Variants in DLC1 observed in about 807,000 individuals in gnomAD.
DLC1 encodes the protein rho GTPase-activating protein 7.
A neutral mutation model predicts 140.3 loss-of-function variants in DLC1; 54 were observed. The ratio of observed to expected loss-of-function variants is 0.38; its 90% CI spans 0.31 to 0.48. The LOEUF is 0.48. Among genes scored for constraint, DLC1 ranks in the 20% least tolerant of loss-of-function variants. The probability of loss-of-function intolerance (pLI) is 0.96; values close to 1 mark genes in which losing one functional copy is unlikely to be tolerated. For synonymous variants in DLC1, 986 were observed against 728.1 expected (o/e 1.35, Z -5.70); for missense variants, 2,536 against 1,907.0 (o/e 1.33, Z -6.14).
chr8:13,221,794 T>A (rs1337059244), intron 5 of DLC1, among the ~76,000 whole-genome samples: 2 of 144,540 alleles, frequency 1.4e-5, no homozygotes, highest in Admixed American at 7.1e-5. Flanking sequence ...AACACATCAA[T>A]ATATTAATAT....
intron 5 of DLC1, among the ~76,000 whole-genome samples, chr8:13,289,068 C>T (rs75968162): frequency 0.063 from 9,581 of 152,190 alleles, 417 homozygotes; most frequent in South Asian, 0.096. Context: ...AACTTCACTC[C>T]TGTGACCTGT....
chr8:13,194,629 A>T lies in DLC1; in HGVS notation c.1349-78972T>A, dbSNP rs1004361454. ...AAAGCACAAGGACTCCATTCTGGGG[A>T]TTAAAAATAACAGAACTAAGTTTTA... On this transcript the variant is annotated intron_variant, in intron 5 of 17. Transcript: ENST00000276297. Among the ~76,000 whole-genome samples the T allele has an allele frequency of 7.2e-5, 11 of 152,334 alleles. No individual in the cohort carries two copies. In the East Asian group the frequency reaches 2.1e-3, roughly 29 times the overall value.
chr8:13,182,736 G>C (rs1218493952), intron 5 of DLC1, among the ~76,000 whole-genome samples: 2 of 152,162 alleles, frequency 1.3e-5, no homozygotes, highest in Non-Finnish European at 2.9e-5. Context: ...TTGTAGTATA[G>C]TTTGAAGTCA....
chr8:13,143,848 G>GAGAGAGAGACAT (rs1490009372), intron 5 of DLC1, among the ~76,000 whole-genome samples: 1 of 147,816 alleles, frequency 6.8e-6, no homozygotes, highest in East Asian at 2.0e-4. Context: ...GAGAGAGAGA[G>GAGAGAGAGACAT]AGAGACATAG....
At chr8:13,306,941 G>T (rs1000059918) in intron 4 of DLC1, among the ~76,000 whole-genome samples, 1 of 151,634 alleles carries the variant, frequency 6.6e-6, no homozygotes, top group African/African-American at 2.4e-5. Context: ...AAAATTAGCC[G>T]GGCATAGTGG....
At chr8:13,436,699 T>C (rs150402509) in intron 2 of DLC1, among the ~76,000 whole-genome samples, 1 of 152,358 alleles carries the variant, frequency 6.6e-6, no homozygotes, top group African/African-American at 2.4e-5. Flanking sequence ...CTCTACTGCC[T>C]TGTGTTTTAA....
chr8:13,395,748 C>T (rs577665352), intron 3 of DLC1, among the ~76,000 whole-genome samples: 14 of 122,638 alleles, frequency 1.1e-4, no homozygotes, highest in South Asian at 2.8e-4. Context: ...AATGTATGTG[C>T]ATGTGTGTGT....
At chr8:13,548,955 A>G (rs888076657) in intron 1 of DLC1, among the ~76,000 whole-genome samples, 1 of 152,086 alleles carries the variant, frequency 6.6e-6, no homozygotes, top group Non-Finnish European at 1.5e-5. Flanking sequence ...CAGTGAAAGG[A>G]TTCTTCTCTC....
At chr8:13,259,966 G>T (rs2117325999) in intron 5 of DLC1, among the ~76,000 whole-genome samples, 1 of 152,284 alleles carries the variant, frequency 6.6e-6, no homozygotes, top group South Asian at 2.1e-4. Flanking sequence ...GGTTGAGATT[G>T]TTCTAGACAT....
intron 1 of DLC1, among the ~76,000 whole-genome samples, chr8:13,500,923 T>G (rs1450918559): frequency 6.6e-6 from 1 of 152,230 alleles, no homozygotes; most frequent in East Asian, 1.9e-4. Context: ...AATAATTTAC[T>G]AAAGTTATAC....
intron 4 of DLC1, among the ~76,000 whole-genome samples, chr8:13,349,634 C>T (rs1055748201): frequency 1.3e-5 from 2 of 152,166 alleles, no homozygotes; most frequent in Admixed American, 1.3e-4. Flanking sequence ...TACATAGAAA[C>T]ATATAGCCAG....
rs571458462 is a variant in DLC1, at chr8:13,349,265, A to G, written c.1315-43963T>C. ...AAGACCTTTTGAAGACCATCGTTAT[A>G]TGTTAATAGGAATGGAGGGTATGGC... On this transcript the variant is annotated intron_variant, in intron 4 of 17. Transcript: ENST00000276297. 5.3e-5 allele frequency among the ~76,000 whole-genome samples: 8 copies of G among 152,236 alleles called. No homozygotes were observed. The South Asian group carries it at 1.5e-3, about 28-fold the overall frequency.
chr8:13,146,598 A>AT (rs1297618559), intron 5 of DLC1, among the ~76,000 whole-genome samples: 5 of 152,156 alleles, frequency 3.3e-5, no homozygotes, highest in African/African-American at 1.2e-4. Context: ...CTACTTTCCA[A>AT]TATTAATATC....
intron 5 of DLC1, among the ~76,000 whole-genome samples, chr8:13,142,591 T>C (rs1368206354): frequency 1.3e-5 from 2 of 152,028 alleles, no homozygotes; most frequent in Admixed American, 1.3e-4. Context: ...AAAAGGAAAA[T>C]TAGGATAACT....
chr8:13,364,301 T>G (rs1365279440), intron 4 of DLC1, among the ~76,000 whole-genome samples: 1 of 23,620 alleles, frequency 4.2e-5, no homozygotes, highest in Non-Finnish European at 1.0e-4. Context: ...GTAATGAAAC[T>G]TTTTTTTTTT....
intron 5 of DLC1, among the ~76,000 whole-genome samples, chr8:13,148,371 G>C (rs1285963572): frequency 6.6e-6 from 1 of 152,134 alleles, no homozygotes; most frequent in Non-Finnish European, 1.5e-5. Context: ...ACTTACAAGT[G>C]AGAACATGCA....
rs143816048 is a variant in DLC1, at chr8:13,257,691, G to A, written c.1348+47578C>T. ...CTAACTCTACTCAGAATATGATGTT[G>A]ACTTTGTTTATGTCAACTACGGAAA... On this transcript the variant is annotated intron_variant, in intron 5 of 17. Transcript: ENST00000276297. 2.0e-3 allele frequency among the ~76,000 whole-genome samples: 299 copies of A among 149,608 alleles called. 2 individuals carry two copies. The highest frequency in any genetic ancestry group is 7.1e-3 in the African/African-American group (288 of 40,478).
intron 4 of DLC1, among the ~76,000 whole-genome samples, chr8:13,381,336 A>G (rs1172097890): frequency 6.6e-6 from 1 of 152,186 alleles, no homozygotes; most frequent in African/African-American, 2.4e-5. Flanking sequence ...CTGACCTGCA[A>G]AAAAGGAGGT....
intron 4 of DLC1, among the ~76,000 whole-genome samples, chr8:13,323,246 C>G (rs756516741): frequency 5.9e-5 from 9 of 152,122 alleles, no homozygotes; most frequent in Admixed American, 1.3e-4. Flanking sequence ...ATGCATTTGC[C>G]TATATATTTA....
Sources: allele counts gnomAD v4.1 joint callset (sites outside exome capture counted in the v4.1 genomes callset), GRCh38; gene constraint gnomAD v4.1.1; transcripts MANE v1.5; gene names NCBI Gene and HGNC (gene_info 2026-07-23, HGNC 2026-07-21).